GML: variants seen among roughly 807,000 people sequenced by gnomAD.
GML encodes the protein glycosyl-phosphatidylinositol-anchored molecule-like protein.
A neutral mutation model predicts 8.2 loss-of-function variants in GML; 5 were observed. The ratio of observed to expected loss-of-function variants is 0.61; its 90% CI spans 0.32 to 1.28. The LOEUF (loss-of-function observed/expected upper bound fraction) is 1.28, where lower values mean the gene tolerates loss of function less well. Ranked by LOEUF, GML falls within the 50% of genes most tolerant of loss-of-function variation. The pLI is 0.06. For missense variants in GML, 191 were observed against 198.3 expected (o/e 0.96, Z 0.22); for synonymous variants, 72 against 69.0 (o/e 1.04, Z -0.22).
At chr8:142,841,302 T>C (rs1390427118) in intron 3 of GML, 77 bp downstream of exon 3, 1 of 786,772 alleles carries the variant, frequency 1.3e-6, no homozygotes, top group African/African-American at 1.7e-5. Flanking sequence ...AGGGCCAGTC[T>C]GCTTTCTTCT....
rs55957122 is a variant in GML, at chr8:142,834,849, CG to C, written c.-38del. 1 allele frequency: 152,766 copies of C among 152,768 alleles called. 76,382 individuals carry two copies. Among genetic ancestry groups the C allele is most frequent in the Middle Eastern group, 1 (300 of 300 alleles). The allele number at this position is 152,768 out of a possible 1,614,324, so 9.5% of individuals were successfully genotyped here. A position where few individuals can be genotyped will look rare whatever the true frequency, so the allele number is the denominator to read the frequency against. ...CTGGAGGCGGCGGGCACGCACACTG[CG>C]GGGCTCCGAGGGGCACAGGTCAGTT... On this transcript the variant is annotated 5_prime_UTR_variant, in exon 1 of 4. The change creates a premature stop within an existing upstream ORF in the 5' untranslated region. Transcript: ENST00000220940.
At chr8:142,840,630 T>C in intron 2 of GML, 120 bp downstream of exon 2, 1 of 722,268 alleles carries the variant, frequency 1.4e-6, no homozygotes, top group Non-Finnish European at 2.5e-6. Flanking sequence ...GCCTGCATTG[T>C]CTGTGTAATC....
In GML at chr8:142,841,252, C is replaced by G. The variant is rs781232594; in HGVS notation, c.181+27C>G. The stretch of plus-strand genomic sequence containing the variant: ...TAAGTACCTCTTTGTCATTTTGACA[C>G]ATTGTAGATTAGTCCCCTACCTGGG... On this transcript the variant is annotated intron_variant, in intron 3 of 3. Transcript: ENST00000220940. The G allele has an allele frequency of 2.7e-6, 3 of 1,109,892 alleles. No homozygotes were observed. The East Asian group carries it at 7.1e-5, about 26-fold the overall frequency. The allele number at this position is 1,109,892 out of a possible 1,614,324, so 68.8% of individuals were successfully genotyped here.
intron 3 of GML, among the ~76,000 whole-genome samples, chr8:142,845,548 A>G (rs892162712): frequency 6.6e-6 from 1 of 152,246 alleles, no homozygotes; most frequent in African/African-American, 2.4e-5. Flanking sequence ...AGATAAATCA[A>G]TTATGGTAAG....
intron 3 of GML, among the ~76,000 whole-genome samples, chr8:142,845,567 T>C (rs149414398): frequency 6.6e-6 from 1 of 152,314 alleles, no homozygotes; most frequent in African/African-American, 2.4e-5. Flanking sequence ...AGTTCCAGAA[T>C]AAAGTATTTG....
intron 1 of GML, among the ~76,000 whole-genome samples, chr8:142,835,392 T>A (rs1816325187): frequency 1.3e-5 from 2 of 152,158 alleles, no homozygotes; most frequent in South Asian, 4.1e-4. Flanking sequence ...ACCCCCACAC[T>A]GTCTGTGATT....
chr8:142,840,807 G>C (rs1816420147), intron 2 of GML, among the ~76,000 whole-genome samples: 1 of 152,190 alleles, frequency 6.6e-6, no homozygotes, highest in Non-Finnish European at 1.5e-5. Flanking sequence ...GCGGACCCCT[G>C]TGAGTATCCA....
chr8:142,841,569 A>G (rs1816435031), intron 3 of GML, among the ~76,000 whole-genome samples: 6 of 152,100 alleles, frequency 3.9e-5, no homozygotes, highest in Admixed American at 3.9e-4. Context: ...CTGGCCATTC[A>G]ATTTCTGGTA....
chr8:142,844,832 T>C (rs1424430959), intron 3 of GML, among the ~76,000 whole-genome samples: 1 of 152,214 alleles, frequency 6.6e-6, no homozygotes, highest in East Asian at 1.9e-4. Context: ...TCCCTCAGAC[T>C]ATAGATAAGT....
At chr8:142,843,297 C>CACACACACACACACAT (rs1200918706) in intron 3 of GML, among the ~76,000 whole-genome samples, 1 of 149,084 alleles carries the variant, frequency 6.7e-6, no homozygotes, top group African/African-American at 2.5e-5. Flanking sequence ...CACACACACA[C>CACACACACACACACAT]ACCATAACCC....
In GML at chr8:142,846,395, G is replaced by T. The variant is rs1163000814; in HGVS notation, c.182G>T (p.Arg61Leu). 7.6e-6 allele frequency: 12 copies of T among 1,573,324 alleles called. No homozygotes were observed. The highest frequency in any genetic ancestry group is 1.0e-5 in the Non-Finnish European group (12 of 1,153,604). ...TTTTCATTGCTGCTTCTTTTTTTAG[G>T]CATAAATTCTCGTGAACTACTTGTT... ...HIRRCMTISIRINSRELLVYK... is the reference protein window; with the variant it reads ...HIRRCMTISILINSRELLVYK... The change falls in exon 4 of 4, where the codon CGC becomes CTC. Residue 61 changes from arginine (R) to leucine (L), a missense_variant and splice_region_variant. Transcript: ENST00000220940.
chr8:142,846,217 C>A (rs1816501813), intron 3 of GML, among the ~76,000 whole-genome samples, 178 bp from the exon 4 acceptor site: 1 of 152,144 alleles, frequency 6.6e-6, no homozygotes, highest in South Asian at 2.1e-4. Context: ...AGTGATGAGA[C>A]CCGCTAGTGG....
At chr8:142,845,359 C>G (rs1449111797) in intron 3 of GML, among the ~76,000 whole-genome samples, 1 of 152,202 alleles carries the variant, frequency 6.6e-6, no homozygotes, top group African/African-American at 2.4e-5. Flanking sequence ...ATGCTGAGTA[C>G]TGGCTGTGGG....
intron 2 of GML, 100 bp downstream of exon 2, chr8:142,840,610 G>T (rs571037492): frequency 3.7e-6 from 3 of 821,290 alleles, no homozygotes; most frequent in Non-Finnish European, 6.3e-6. Context: ...GCAAGCCTCC[G>T]TTAGCTGGGG....
At chr8:142,843,320 G>A (rs1475494918) in intron 3 of GML, among the ~76,000 whole-genome samples, 2 of 138,650 alleles carry the variant, frequency 1.4e-5, no homozygotes, top group Non-Finnish European at 3.1e-5. Context: ...CTACCTTGTG[G>A]ATTCAATAAC....
Position 142,846,716 on chromosome 8 carries a change from A to G in GML, c.*26A>G, listed in dbSNP as rs748950914. On this transcript the variant is annotated 3_prime_UTR_variant, in exon 4 of 4. Transcript: ENST00000220940. ...GGACCCCACCTTGGAGGGTCTGACC[A>G]TCTTCACCTGTTCCGCAGAGAAATG... 7.8e-6 allele frequency: 12 copies of G among 1,538,476 alleles called. No homozygotes were observed. Among genetic ancestry groups the G allele is most frequent in the Admixed American group, 1.7e-5 (1 of 58,958 alleles).
chr8:142,841,379 G>A (rs1816432910), intron 3 of GML, among the ~76,000 whole-genome samples, 154 bp downstream of exon 3: 1 of 152,028 alleles, frequency 6.6e-6, no homozygotes, highest in Non-Finnish European at 1.5e-5. Flanking sequence ...GCACGCTTTG[G>A]TCTCAGCCTC....
Position 142,840,504 on chromosome 8 carries a change from G to T in GML, c.67G>T (p.Ala23Ser), listed in dbSNP as rs762771971. 6.2e-7 allele frequency: 1 copy of T among 1,605,982 alleles called. No individual in the cohort carries two copies. The highest frequency in any genetic ancestry group is 1.3e-5 in the African/African-American group (1 of 74,796). Residue 23 changes from alanine to serine, a missense_variant, in exon 2 of 4, where the codon GCT (alanine) becomes TCT (serine). By Grantham distance (99) the Ala-to-Ser change is moderately conservative. Coordinates refer to ENST00000220940, the MANE Select transcript of GML (RefSeq NM_002066.3). ...GGTGGCAGCCAGTGCCACCATGCGC[G>T]CTCAGTGTAAGTATCATTCCCTCTC... The part of the protein sequence containing the change: ...PLVAASATMR[A>S]QWTYSLRCHD...
intron 1 of GML, among the ~76,000 whole-genome samples, chr8:142,837,425 A>C (rs2953479): frequency 2.0e-5 from 3 of 152,020 alleles, no homozygotes; most frequent in Non-Finnish European, 4.4e-5. Flanking sequence ...AATCAGTGAC[A>C]GCAGTGGGTG....
Sources: allele counts gnomAD v4.1 joint callset (sites outside exome capture counted in the v4.1 genomes callset), GRCh38; gene constraint gnomAD v4.1.1; transcripts MANE v1.5; gene names NCBI Gene and HGNC (gene_info 2026-07-23, HGNC 2026-07-21).